CCNDBP1: variants seen among roughly 807,000 people sequenced by gnomAD.
CCNDBP1 encodes cyclin D1 binding protein 1, also known as cyclin-D1-binding protein 1.
A neutral mutation model predicts 46.2 loss-of-function variants in CCNDBP1; 45 were observed. The ratio of observed to expected loss-of-function variants is 0.97; its 90% CI spans 0.77 to 1.25. CCNDBP1 has a LOEUF of 1.25. Ranked by LOEUF, CCNDBP1 falls within the 50% of genes most tolerant of loss-of-function variation. CCNDBP1 has a pLI of 0.00. For synonymous variants in CCNDBP1, 154 were observed against 163.6 expected (o/e 0.94, Z 0.45); for missense variants, 436 against 442.1 (o/e 0.99, Z 0.12).
rs780852147 is a variant in CCNDBP1, at chr15:43,194,803, A to G, written c.1045A>G (p.Arg349Gly). The G allele has an allele frequency of 3.7e-6, 6 of 1,613,396 alleles. No homozygotes were observed. In the East Asian group the frequency reaches 1.1e-4, roughly 30 times the overall value. Residue 349 changes from arginine (R) to glycine (G), a missense_variant, in exon 11 of 11, where the codon AGA becomes GGA. Physicochemically the swap from Arg to Gly is moderately radical, Grantham distance 125. Transcript: ENST00000300213. The stretch of plus-strand genomic sequence containing the variant: ...TAATGCCATTGATCATTGCATGAAT[A>G]GAATCAAGGAGCTCACTCAGAGTGA... ...LINAIDHCMN[R>G]IKELTQSELE...
At chr15:43,194,385 G>T in intron 9 of CCNDBP1, 30 bp from the exon 10 acceptor site, 2 of 1,584,522 alleles carry the variant, frequency 1.3e-6, no homozygotes, top group Non-Finnish European at 1.7e-6. Flanking sequence ...GTAGGGCTCA[G>T]GGTGAATAAC....
rs565148907 is a variant in CCNDBP1, at chr15:43,190,370, G to A, written c.474G>A (p.Ala158=). 85 of 1,614,118 alleles carry A rather than the reference G, an allele frequency of 5.3e-5. 2 individuals are homozygous for A. The South Asian group carries it at 6.4e-4, about 12-fold the overall frequency. The part of the protein sequence containing the change: ...DLISYNSVWV[A]CQQMPQIPRD... ...TTTCCTACAACAGTGTCTGGGTTGCGTGCCAGCAGATGCCTCAGATACCAA... is the reference window on the plus strand; with the variant it reads ...TTTCCTACAACAGTGTCTGGGTTGCATGCCAGCAGATGCCTCAGATACCAA... The change falls in exon 6 of 11, where the codon GCG becomes GCA. Residue 158 remains alanine (A), a synonymous_variant. Coordinates refer to ENST00000300213, the MANE Select transcript of CCNDBP1 (RefSeq NM_012142.5).
At chr15:43,186,358 C>T in intron 3 of CCNDBP1, 125 bp downstream of exon 3, 2 of 750,434 alleles carry the variant, frequency 2.7e-6, no homozygotes. Context: ...GTGAGGTTAC[C>T]GTTTTTACTT....
chr15:43,190,280 A>C, intron 5 of CCNDBP1, 45 bp from the exon 6 acceptor site: 1 of 1,604,142 alleles, frequency 6.2e-7, no homozygotes, highest in South Asian at 1.1e-5. Flanking sequence ...TTTAGGAGAC[A>C]GGAACCTAGG....
At chr15:43,187,807 T>A (rs2041877387) in intron 3 of CCNDBP1, among the ~76,000 whole-genome samples, 1 of 152,196 alleles carries the variant, frequency 6.6e-6, no homozygotes, top group African/African-American at 2.4e-5. Flanking sequence ...GTAGTTTCAC[T>A]CATAGATGAA....
chr15:43,185,415 G>T lies in CCNDBP1; in HGVS notation c.-84G>T. 9.2e-7 allele frequency: 1 copy of T among 1,088,648 alleles called. No individual in the cohort carries two copies. 67.4% of individuals were successfully genotyped at this position (1,088,648 alleles called of 1,614,324 possible). A position where few individuals can be genotyped will look rare whatever the true frequency, so the allele number is the denominator to read the frequency against. On this transcript the variant is annotated 5_prime_UTR_variant, in exon 1 of 11. Transcript: ENST00000300213. ...ACGGAAACGAGCCCTTGACGCTGTG[G>T]CCCGGAAGTGGAGCGGCTGTCGCAG...
rs556590442 is a variant in CCNDBP1 at position 43,195,818 on chromosome 15, G to C, written c.*977G>C. ...AATTCATAACATATGCCTTTCTGCT[G>C]TCTTTAGGTATAATCAGCAACAGCA... On this transcript the variant is annotated 3_prime_UTR_variant, in exon 11 of 11. Coordinates refer to ENST00000300213, the MANE Select transcript of CCNDBP1 (RefSeq NM_012142.5). The C allele has an allele frequency of 2.0e-5, 3 of 152,184 alleles. No individual in the cohort carries two copies. The highest frequency in any genetic ancestry group is 2.9e-5 in the Non-Finnish European group (2 of 68,036). 9.4% of individuals were successfully genotyped at this position (152,184 alleles called of 1,614,324 possible).
In CCNDBP1 at chr15:43,196,206, G is replaced by A. The variant is rs2042035474; in HGVS notation, c.*1365G>A. ...TAGCTGAATTATTCTCTCAGGTCCT[G>A]TATTGTATAACTTCGTTCAGTCATG... is the stretch of plus-strand genomic sequence containing the variant. On this transcript the variant is annotated 3_prime_UTR_variant, in exon 11 of 11. Transcript: ENST00000300213. The A allele has an allele frequency of 6.6e-6, 1 of 150,394 alleles. No individual in the cohort carries two copies. The highest frequency in any genetic ancestry group is 1.5e-5 in the Non-Finnish European group (1 of 67,746). The allele number at this position is 150,394 out of a possible 1,614,324, so 9.3% of individuals were successfully genotyped here. A position where few individuals can be genotyped will look rare whatever the true frequency, so the allele number is the denominator to read the frequency against.
At position 43,185,455 on chromosome 15, in the gene CCNDBP1, T is replaced by C. The variant is rs889401027; in HGVS notation, c.-44T>C. On this transcript the variant is annotated 5_prime_UTR_variant, in exon 1 of 11. Transcript: ENST00000300213. ...GGCTGTCGCAGTGCGGCTCCGGCAG[T>C]GGCAGCGGAGGCCTGTGTTTGCGGC... 6.9e-7 allele frequency: 1 copy of C among 1,449,050 alleles called. No homozygotes were observed. The highest frequency in any genetic ancestry group is 1.2e-5 in the South Asian group (1 of 82,596). The allele number at this position is 1,449,050 out of a possible 1,614,324, so 89.8% of individuals were successfully genotyped here.
In CCNDBP1 at chr15:43,196,789, T is replaced by C. The variant is rs2042042716; in HGVS notation, c.*1948T>C. On this transcript the variant is annotated 3_prime_UTR_variant, in exon 11 of 11. Transcript: ENST00000300213. ...CTCCTTAAAGGTATCTGAGCACCTT[T>C]TCAACCTGAATGACTACTCATTTAT... The C allele has an allele frequency of 4.8e-6, 1 of 208,282 alleles. No individual in the cohort carries two copies. Among genetic ancestry groups the C allele is most frequent in the Non-Finnish European group, 9.8e-6 (1 of 101,654 alleles). 12.9% of individuals were successfully genotyped at this position (208,282 alleles called of 1,614,324 possible). A position where few individuals can be genotyped will look rare whatever the true frequency, so the allele number is the denominator to read the frequency against.
At chr15:43,187,992 GT>G (rs999731253) in intron 3 of CCNDBP1, among the ~76,000 whole-genome samples, 3 of 150,842 alleles carry the variant, frequency 2.0e-5, no homozygotes, top group Non-Finnish European at 3.0e-5. Flanking sequence ...GTGGTTGTTG[GT>G]TTTTTTTTGT....
intron 8 of CCNDBP1, among the ~76,000 whole-genome samples, 160 bp from the exon 9 acceptor site, chr15:43,192,583 A>G (rs928589281): frequency 6.6e-6 from 1 of 152,164 alleles, no homozygotes; most frequent in African/African-American, 2.4e-5. Context: ...TTCAATAAAG[A>G]CTGGTTGAAC....
intron 8 of CCNDBP1, among the ~76,000 whole-genome samples, chr15:43,192,262 G>C (rs937383238): frequency 1.6e-4 from 24 of 152,294 alleles, no homozygotes; most frequent in African/African-American, 5.8e-4. Flanking sequence ...GTGATTGTTA[G>C]TTCTCATTTT....
chr15:43,189,426 T>G (rs1280976416), intron 4 of CCNDBP1, 146 bp downstream of exon 4: 1 of 546,172 alleles, frequency 1.8e-6, no homozygotes, highest in East Asian at 3.1e-5. Context: ...GTAAGTGACT[T>G]ATATAAACAA....
rs73413082 is a variant in CCNDBP1, at chr15:43,186,332, T to G, written c.249+99T>G. 48 of 930,624 alleles carry G rather than the reference T, an allele frequency of 5.2e-5. No individual in the cohort carries two copies. In the African/African-American group the frequency reaches 7.4e-4, roughly 14 times the overall value. The allele number at this position is 930,624 out of a possible 1,614,324, so 57.6% of individuals were successfully genotyped here. On this transcript the variant is annotated intron_variant, in intron 3 of 10. Coordinates refer to ENST00000300213, the MANE Select transcript of CCNDBP1 (RefSeq NM_012142.5). ...TTTGCACGCACGCCAGGAGATTTCT[T>G]TTCTTCATCTGTCCAGTGAGGTTAC... is the stretch of plus-strand genomic sequence containing the variant.
intron 9 of CCNDBP1, 59 bp downstream of exon 9, chr15:43,192,862 C>T: frequency 7.1e-7 from 1 of 1,418,180 alleles, no homozygotes; most frequent in Non-Finnish European, 1.0e-6. Context: ...TCACTAATCA[C>T]TAGTATTTCC....
chr15:43,192,672 C>A, intron 8 of CCNDBP1, 71 bp from the exon 9 acceptor site: 1 of 1,374,472 alleles, frequency 7.3e-7, no homozygotes. Flanking sequence ...CTGTTGACAT[C>A]CATAGTTGTG....
chr15:43,191,189 G>A lies in CCNDBP1; in HGVS notation c.579+147G>A, dbSNP rs545177499. On this transcript the variant is annotated intron_variant, in intron 7 of 10. Transcript: ENST00000300213. ...CATCTCCCACTGCTTGTTAGTGTTTGATTTAGTACCACTCCTCTGTGTTCC... is the reference window on the plus strand; with the variant it reads ...CATCTCCCACTGCTTGTTAGTGTTTAATTTAGTACCACTCCTCTGTGTTCC... 2.6e-5 allele frequency: 21 copies of A among 813,398 alleles called. No homozygotes were observed. The South Asian group carries it at 3.3e-4, about 13-fold the overall frequency. 50.4% of individuals were successfully genotyped at this position (813,398 alleles called of 1,614,324 possible). A position where few individuals can be genotyped will look rare whatever the true frequency, so the allele number is the denominator to read the frequency against.
At position 43,191,043 on chromosome 15, in the gene CCNDBP1, G is replaced by C; in HGVS notation, c.579+1G>C. The C allele has an allele frequency of 6.2e-7, 1 of 1,611,500 alleles. No individual in the cohort carries two copies. Among genetic ancestry groups the C allele is most frequent in the Admixed American group, 1.7e-5 (1 of 60,026 alleles). ...GGATGCACATGAAGAAATGGAGCAG[G>C]TGAGGGGACCTCCATCATTGGAAGG... On this transcript the variant is annotated splice_donor_variant, in intron 7 of 10. Coordinates refer to ENST00000300213, the MANE Select transcript of CCNDBP1 (RefSeq NM_012142.5). LOFTEE classifies it high-confidence loss of function.
Sources: allele counts gnomAD v4.1 joint callset (sites outside exome capture counted in the v4.1 genomes callset), GRCh38; gene constraint gnomAD v4.1.1; transcripts MANE v1.5; gene names NCBI Gene and HGNC (gene_info 2026-07-23, HGNC 2026-07-21).